Variants in APOB observed in about 807,000 individuals in gnomAD.
The protein encoded by APOB is apolipoprotein B.
A neutral mutation model predicts 314.1 loss-of-function variants in APOB; 153 were observed. The observed-to-expected ratio is 0.49, with a 90% CI of 0.43 to 0.56. The LOEUF is 0.56. Ranked by LOEUF, APOB falls within the 20% of genes least tolerant of loss-of-function variation. The probability of loss-of-function intolerance (pLI) is 0.00; values close to 1 mark genes in which losing one functional copy is unlikely to be tolerated. For missense variants in APOB, 5,430 were observed against 5,350.7 expected (o/e 1.01, Z -0.46); for synonymous variants, 2,087 against 2,036.4 (o/e 1.02, Z -0.67).
chr2:21,016,971 G>A (rs1167859610), intron 20 of APOB, among the ~76,000 whole-genome samples: 2 of 144,800 alleles, frequency 1.4e-5, no homozygotes, highest in Non-Finnish European at 3.0e-5. Flanking sequence ...GCAAAAGAGC[G>A]AGACTCCATC....
rs1444385086 is a variant in APOB, at chr2:21,026,860, A to T, written c.2172T>A (p.Gly724=). 1 of 1,614,112 alleles carries T rather than the reference A, an allele frequency of 6.2e-7. No individual in the cohort carries two copies. The highest frequency in any genetic ancestry group is 8.5e-7 in the Non-Finnish European group (1 of 1,179,960). ...CCTTAGAGACACCATCAGGAACTTGACCATTAACCCAGTACAAAGCTTTGT... is the reference window on the plus strand; with the variant it reads ...CCTTAGAGACACCATCAGGAACTTGTCCATTAACCCAGTACAAAGCTTTGT... ...SVNKALYWVN[G]QVPDGVSKVL... The change falls in exon 15 of 29, where the codon GGT becomes GGA. Residue 724 remains glycine (G), a synonymous_variant. Coordinates refer to ENST00000233242, the MANE Select transcript of APOB (RefSeq NM_000384.3).
At chr2:21,039,913 T>C (rs1664091019) in intron 4 of APOB, among the ~76,000 whole-genome samples, 1 of 152,238 alleles carries the variant, frequency 6.6e-6, no homozygotes, top group African/African-American at 2.4e-5. Context: ...CTGAATCTAA[T>C]GTTTAGCAAA....
In APOB at chr2:21,012,099, G is replaced by A. The variant is rs987199377; in HGVS notation, c.4769C>T (p.Thr1590Ile). The A allele has an allele frequency of 2.5e-6, 4 of 1,612,668 alleles. No homozygotes were observed. Among genetic ancestry groups the A allele is most frequent in the Non-Finnish European group, 2.5e-6 (3 of 1,179,126 alleles). Residue 1590 changes from threonine to isoleucine, a missense_variant, in exon 26 of 29, where the codon ACC becomes ATC. Transcript: ENST00000233242. The part of the protein sequence containing the change: ...NFATSNKMDM[T>I]FSKQNALLRS... ...CAGCAGTGCATTTTGCTTAGAGAAG[G>A]TCATATCCATCTTGTTAGAAGTGGC...
At chr2:21,030,368 A>G (rs11902466) in intron 10 of APOB, among the ~76,000 whole-genome samples, 3,846 of 152,310 alleles carry the variant, frequency 0.025, 171 homozygotes, top group African/African-American at 0.088. Context: ...ACCCTTTTCA[A>G]TAAGTGGTGC....
In APOB at chr2:21,010,790, C is replaced by T; in HGVS notation, c.6078G>A (p.Val2026=). 1.2e-6 allele frequency: 2 copies of T among 1,614,124 alleles called. No homozygotes were observed. The highest frequency in any genetic ancestry group is 1.7e-6 in the Non-Finnish European group (2 of 1,180,012). ...TGATGGGCTCACTGAGTAAAAGTGGCACTTTAATTGGGGAGTCTAGTAGAG... is the reference window on the plus strand; with the variant it reads ...TGATGGGCTCACTGAGTAAAAGTGGTACTTTAATTGGGGAGTCTAGTAGAG... ...DLTLLDSPIK[V]PLLLSEPINI... Residue 2026 remains valine, a synonymous_variant, in exon 26 of 29, where the codon GTG becomes GTA. Coordinates refer to ENST00000233242, the MANE Select transcript of APOB (RefSeq NM_000384.3).
chr2:21,035,959 C>T (rs1663993031), intron 6 of APOB, among the ~76,000 whole-genome samples: 1 of 152,198 alleles, frequency 6.6e-6, no homozygotes, highest in South Asian at 2.1e-4. Flanking sequence ...TCCACATGCC[C>T]ATCCCACCAC....
In APOB at chr2:21,010,583, T is replaced by C. The variant is rs1020522908; in HGVS notation, c.6285A>G (p.Val2095=). The C allele has an allele frequency of 3.7e-6, 6 of 1,613,866 alleles. No homozygotes were observed. The East Asian group carries it at 1.3e-4, about 36-fold the overall frequency. ...RQTIIVVLEN[V]QRNLKHINID... ...TATTGATGTGCTTCAGGTTTCTCTG[T>C]ACGTTTTCCAGTACAACTATAATGG... Residue 2095 remains valine, a synonymous_variant, in exon 26 of 29, where the codon GTA becomes GTG. Transcript: ENST00000233242.
chr2:21,025,149 C>T, intron 15 of APOB, 25 bp from the exon 16 acceptor site: 2 of 1,607,950 alleles, frequency 1.2e-6, no homozygotes, highest in African/African-American at 1.3e-5. Context: ...ATAAAATGGC[C>T]AGTGAGATGT....
intron 8 of APOB, 63 bp downstream of exon 8, chr2:21,034,753 C>T (rs1018435150): frequency 1.5e-5 from 14 of 938,658 alleles, no homozygotes; most frequent in Non-Finnish European, 1.8e-6. Flanking sequence ...CAGCAAGTGG[C>T]TAAGCCATGA....
In APOB at chr2:21,041,067, G is replaced by A; in HGVS notation, c.254C>T (p.Pro85Leu). ...RINCKVELEV[P>L]QLCSFILKTS... is the part of the protein sequence containing the mutation. Reference sequence around the variant, plus strand: ...CTTCAGGATGAAGCTGCAGAGCTGGGGAACCTCCAGCTCAACCTGAGAATT... The same window carrying A: ...CTTCAGGATGAAGCTGCAGAGCTGGAGAACCTCCAGCTCAACCTGAGAATT... Residue 85 changes from proline to leucine, a missense_variant, in exon 4 of 29, where the codon CCC becomes CTC. Pro to Leu is a moderately conservative substitution (Grantham distance 98). This residue lies in a region of APOB where 2,085 missense variants were observed against 2,079.7 expected (regional missense o/e 1.00). Transcript: ENST00000233242. 6.2e-7 allele frequency: 1 copy of A among 1,612,312 alleles called. No individual in the cohort carries two copies. Among genetic ancestry groups the A allele is most frequent in the Non-Finnish European group, 8.5e-7 (1 of 1,179,730 alleles).
At chr2:21,003,403 A>G (rs2103348573) in intron 28 of APOB, 69 bp from the exon 29 acceptor site, 1 of 1,329,280 alleles carries the variant, frequency 7.5e-7, no homozygotes, top group South Asian at 1.2e-5. Flanking sequence ...GTACACTAAA[A>G]CTTCATTAGC....
chr2:21,027,601 C>T (rs1483338818), intron 14 of APOB, among the ~76,000 whole-genome samples: 2 of 152,178 alleles, frequency 1.3e-5, no homozygotes, highest in Non-Finnish European at 1.5e-5. Flanking sequence ...GAGTGAGCCA[C>T]CTCGCCAGGC....
chr2:21,006,357 A>G lies in APOB; in HGVS notation c.10511T>C (p.Val3504Ala), dbSNP rs1663137529. 5.0e-6 allele frequency: 8 copies of G among 1,614,028 alleles called. No individual in the cohort carries two copies. The highest frequency in any genetic ancestry group is 1.7e-4 in the Middle Eastern group (1 of 6,058). The part of the protein sequence containing the change: ...SSTKGDVKGS[V>A]LSREYSGTIA... ...AGTTCCTGAATATTCCCGAGAAAGAACCGAACCCTTGACATCTCCTTTGGT... is the reference window on the plus strand; with the variant it reads ...AGTTCCTGAATATTCCCGAGAAAGAGCCGAACCCTTGACATCTCCTTTGGT... The change falls in exon 26 of 29, where the codon GTT becomes GCT. Residue 3504 changes from valine to alanine, a missense_variant. Physicochemically the swap from Val to Ala is moderately conservative, Grantham distance 64. Transcript: ENST00000233242.
chr2:21,028,092 C>T, intron 13 of APOB, 27 bp from the exon 14 acceptor site: 1 of 1,473,980 alleles, frequency 6.8e-7, no homozygotes, highest in Non-Finnish European at 9.5e-7. Context: ...ATATTTTGAG[C>T]TGACACACCA....
intron 1 of APOB, 152 bp from the exon 2 acceptor site, chr2:21,043,703 C>T (rs1476140292): frequency 6.7e-7 from 1 of 1,502,958 alleles, no homozygotes; most frequent in Admixed American, 2.0e-5. Flanking sequence ...CCGCGCCCCC[C>T]ATCCTGAGCC....
chr2:21,026,697 T>C, intron 15 of APOB, 91 bp downstream of exon 15: 1 of 1,047,214 alleles, frequency 9.5e-7, no homozygotes, highest in South Asian at 1.3e-5. Context: ...TTCAGTTAGA[T>C]AGTATTTTGA....
Position 21,009,053 on chromosome 2 carries a change from C to T in APOB, c.7815G>A (p.Gln2605=), listed in dbSNP as rs752479217. The T allele has an allele frequency of 6.2e-7, 1 of 1,614,054 alleles. No individual in the cohort carries two copies. The highest frequency in any genetic ancestry group is 1.1e-5 in the South Asian group (1 of 91,084). ...GTMPAFEVSL[Q]ALQKATFQTP... ...TCTGGAAGGTAGCTTTCTGAAGAGC[C>T]TGAAGACTGACTTCAAAGGCAGGCA... The change falls in exon 26 of 29, where the codon CAG becomes CAA. Residue 2605 remains glutamine, a synonymous_variant. Coordinates refer to ENST00000233242, the MANE Select transcript of APOB (RefSeq NM_000384.3).
In APOB at chr2:21,006,811, T is replaced by G. The variant is rs765211167; in HGVS notation, c.10057A>C (p.Asn3353His). 7 of 1,614,022 alleles carry G rather than the reference T, an allele frequency of 4.3e-6. No homozygotes were observed. Among genetic ancestry groups the G allele is most frequent in the Non-Finnish European group, 5.9e-6 (7 of 1,179,948 alleles). The change falls in exon 26 of 29, where the codon AAT becomes CAT. Residue 3353 changes from asparagine (N) to histidine (H), a missense_variant. Asn to His is a moderately conservative substitution (Grantham distance 68). Coordinates refer to ENST00000233242, the MANE Select transcript of APOB (RefSeq NM_000384.3). ...FKSSVITLNTNAELFNQSDIV... is the reference protein window; with the variant it reads ...FKSSVITLNTHAELFNQSDIV... ...TCTGACTGGTTAAAAAGTTCAGCAT[T>G]GGTATTCAGTGTGATGACACTTGAT...
chr2:21,009,916 T>G lies in APOB; in HGVS notation c.6952A>C (p.Lys2318Gln). Reference sequence around the variant, plus strand: ...CCAATAAGATTTATAACAAAGTGTTTGACATGCTCAAGAATGTCATTTATT... The same window carrying G: ...CCAATAAGATTTATAACAAAGTGTTGGACATGCTCAAGAATGTCATTTATT... ...ERINDILEHV[K>Q]HFVINLIGDF... Residue 2318 changes from lysine to glutamine, a missense_variant, in exon 26 of 29, where the codon AAA (lysine) becomes CAA (glutamine). Physicochemically the swap from Lys to Gln is moderately conservative, Grantham distance 53 (BLOSUM62 1). Around this residue, in one of 3 missense-constraint regions of APOB, gnomAD observed 3,281 missense variants for 3,171.0 expected, o/e 1.03. Transcript: ENST00000233242. The G allele has an allele frequency of 6.2e-7, 1 of 1,614,006 alleles. No individual in the cohort carries two copies. Among genetic ancestry groups the G allele is most frequent in the Non-Finnish European group, 8.5e-7 (1 of 1,179,926 alleles).
Sources: gnomAD v4.1 joint callset for allele counts (sites outside exome capture counted in the v4.1 genomes callset) on GRCh38, gnomAD v4.1.1 for gene constraint, gnomAD v4.1.1 regional missense constraint, MANE v1.5 for transcripts, NCBI Gene and HGNC (gene_info 2026-07-23, HGNC 2026-07-21) for gene names.